Variants in PSEN1 observed in about 807,000 individuals in gnomAD.
PSEN1 encodes presenilin 1.
A neutral mutation model predicts 53.5 loss-of-function variants in PSEN1; 15 were observed. That is an observed-to-expected ratio of 0.28 (90% CI 0.19 to 0.43). The LOEUF (loss-of-function observed/expected upper bound fraction) is 0.43, where lower values mean the gene tolerates loss of function less well. PSEN1 is among the 20% of genes least tolerant of loss of function. The pLI, the probability that PSEN1 is intolerant of heterozygous loss-of-function variation, is 1.00. For missense variants in PSEN1, 387 were observed against 571.2 expected (o/e 0.68, Z 3.29); for synonymous variants, 208 against 209.8 (o/e 0.99, Z 0.08).
At chr14:73,196,932 CTTTT>C (rs557577799) in intron 7 of PSEN1, among the ~76,000 whole-genome samples, 1 of 128,866 alleles carries the variant, frequency 7.8e-6, no homozygotes, top group Non-Finnish European at 1.6e-5. Flanking sequence ...TTCTTTCTTT[CTTTT>C]TTTTTTTTTT....
intron 1 of PSEN1, among the ~76,000 whole-genome samples, chr14:73,140,819 A>G (rs185668881): frequency 6.6e-6 from 1 of 152,338 alleles, no homozygotes; most frequent in Admixed American, 6.5e-5. Context: ...ACCATTATTT[A>G]AAAACAAGTT....
chr14:73,146,939 G>GC (rs924275022), intron 1 of PSEN1, among the ~76,000 whole-genome samples: 2 of 152,012 alleles, frequency 1.3e-5, no homozygotes, highest in African/African-American at 4.8e-5. Flanking sequence ...TGGGAATGTG[G>GC]CCCCCCTAGG....
At chr14:73,168,408 A>G (rs1897784808) in intron 3 of PSEN1, 1 of 152,138 alleles carries the variant, frequency 6.6e-6, no homozygotes. Flanking sequence ...GAACAATATA[A>G]GCAGCTGACG....
At chr14:73,149,334 T>A (rs906421941) in intron 3 of PSEN1, among the ~76,000 whole-genome samples, 7 of 151,980 alleles carry the variant, frequency 4.6e-5, no homozygotes, top group Middle Eastern at 3.4e-3. Context: ...TTTTTTTTTT[T>A]AATTTTCCCA....
intron 1 of PSEN1, 143 bp from the exon 2 acceptor site, chr14:73,147,652 T>C (rs543504374): frequency 6.1e-6 from 2 of 329,366 alleles, no homozygotes; most frequent in South Asian, 5.2e-5. Context: ...CTTGAGCTTA[T>C]AGTAAATTTG....
chr14:73,203,663 G>C (rs1899323482), intron 8 of PSEN1, among the ~76,000 whole-genome samples: 1 of 152,018 alleles, frequency 6.6e-6, no homozygotes, highest in Non-Finnish European at 1.5e-5. Context: ...GAGCATTTTT[G>C]TTTTTTACTT....
intron 3 of PSEN1, among the ~76,000 whole-genome samples, chr14:73,161,725 T>A (rs1199940780): frequency 6.6e-6 from 1 of 151,734 alleles, no homozygotes. Flanking sequence ...GGTGTCCGGG[T>A]CACACATGGC....
intron 1 of PSEN1, among the ~76,000 whole-genome samples, chr14:73,146,302 C>G (rs1023737016): frequency 6.6e-5 from 10 of 151,834 alleles, no homozygotes; most frequent in African/African-American, 1.9e-4. Context: ...ATCCCCCCAC[C>G]TCAGCCTCCT....
intron 1 of PSEN1, among the ~76,000 whole-genome samples, chr14:73,138,992 G>A (rs549432238): frequency 6.7e-6 from 1 of 148,948 alleles, no homozygotes; most frequent in South Asian, 2.1e-4. Context: ...AATGTAAAAA[G>A]AGGCTGGGTG....
intron 5 of PSEN1, chr14:73,173,966 G>A (rs1897970570): frequency 1.0e-5 from 6 of 602,870 alleles, no homozygotes; most frequent in South Asian, 2.0e-5. Context: ...CTTGGGCAAC[G>A]TAGCAAGACC....
Position 73,219,219 on chromosome 14 carries a change from T to C in PSEN1, c.1334T>C (p.Phe445Ser). Residue 445 changes from phenylalanine to serine, a missense_variant, in exon 12 of 12, where the codon TTC becomes TCC. By Grantham distance (155) the Phe-to-Ser change is radical. Coordinates refer to ENST00000324501, the MANE Select transcript of PSEN1 (RefSeq NM_000021.4). ...LPISITFGLV[F>S]YFATDYLVQP... is the part of the protein sequence containing the mutation. ...ATCTCCATCACCTTTGGGCTTGTTT[T>C]CTACTTTGCCACAGATTATCTTGTA... The C allele has an allele frequency of 2.5e-6, 4 of 1,613,882 alleles. No homozygotes were observed. In the South Asian group the frequency reaches 3.3e-5, roughly 13 times the overall value.
chr14:73,206,178 T>C (rs1899445967), intron 8 of PSEN1: 6 of 578,098 alleles, frequency 1.0e-5, no homozygotes, highest in Non-Finnish European at 1.9e-5. Flanking sequence ...GCAGTTTGAG[T>C]ACTACAGTAA....
In PSEN1 at chr14:73,223,293, G is replaced by A. The variant is rs1483527752; in HGVS notation, c.*4004G>A. 6.6e-6 allele frequency: 1 copy of A among 152,262 alleles called. No homozygotes were observed. Among genetic ancestry groups the A allele is most frequent in the East Asian group, 1.9e-4 (1 of 5,196 alleles). The allele number at this position is 152,262 out of a possible 1,614,324, so 9.4% of individuals were successfully genotyped here. A position where few individuals can be genotyped will look rare whatever the true frequency, so the allele number is the denominator to read the frequency against. On this transcript the variant is annotated 3_prime_UTR_variant, in exon 12 of 12. Transcript: ENST00000324501. The stretch of plus-strand genomic sequence containing the variant: ...GGCAGCAGGGTGCCTCTTAGTGGAT[G>A]TGCTGGGTCCACCCTGAGCCCTGAC...
intron 5 of PSEN1, among the ~76,000 whole-genome samples, chr14:73,183,838 C>G (rs1281049458): frequency 2.5e-4 from 38 of 151,262 alleles, no homozygotes; most frequent in African/African-American, 9.0e-4. Flanking sequence ...GGGTGGTGGC[C>G]GGGCAGAGGG....
At chr14:73,188,474 C>T (rs966490447) in intron 6 of PSEN1, among the ~76,000 whole-genome samples, 5 of 152,026 alleles carry the variant, frequency 3.3e-5, no homozygotes, top group African/African-American at 1.2e-4. Flanking sequence ...CGCAACATAA[C>T]AAGACTTTGC....
At chr14:73,184,047 C>T (rs1479829228) in intron 5 of PSEN1, among the ~76,000 whole-genome samples, 14 of 131,606 alleles carry the variant, frequency 1.1e-4, no homozygotes, top group Admixed American at 7.8e-4. Context: ...GCTGGCCAGG[C>T]GGGGGGCTGA....
Position 73,198,012 on chromosome 14 carries a change from T to G in PSEN1, c.770-19T>G. The G allele has an allele frequency of 6.9e-7, 1 of 1,445,848 alleles. No individual in the cohort carries two copies. Among genetic ancestry groups the G allele is most frequent in the Non-Finnish European group, 9.7e-7 (1 of 1,028,378 alleles). The allele number at this position is 1,445,848 out of a possible 1,614,324, so 89.6% of individuals were successfully genotyped here. ...CCCATACATTTTATTAGATGTCTTT[T>G]ATGTTTTTCTTTTTCTAGATTTAGT... is the stretch of plus-strand genomic sequence containing the variant. On this transcript the variant is annotated intron_variant, in intron 7 of 11. Coordinates refer to ENST00000324501, the MANE Select transcript of PSEN1 (RefSeq NM_000021.4).
At chr14:73,189,000 A>T (rs893218992) in intron 6 of PSEN1, among the ~76,000 whole-genome samples, 1 of 152,032 alleles carries the variant, frequency 6.6e-6, no homozygotes, top group African/African-American at 2.4e-5. Context: ...CATGTTGGCC[A>T]GGCTGTTCTC....
intron 1 of PSEN1, among the ~76,000 whole-genome samples, chr14:73,142,374 AAG>A: frequency 6.6e-6 from 1 of 152,340 alleles, no homozygotes; most frequent in East Asian, 1.9e-4. Context: ...TTCTCAGTGA[AAG>A]AGAAACTAGT....
Sources: allele counts gnomAD v4.1 joint callset (sites outside exome capture counted in the v4.1 genomes callset), GRCh38; gene constraint gnomAD v4.1.1; transcripts MANE v1.5; gene names NCBI Gene and HGNC (gene_info 2026-07-23, HGNC 2026-07-21).